B3GNT3: variants seen among roughly 807,000 people sequenced by gnomAD.
B3GNT3 encodes N-acetyllactosaminide beta-1,3-N-acetylglucosaminyltransferase 3.
Under a neutral mutation model 11.6 loss-of-function variants are expected in B3GNT3, and 7 were observed. That is an observed-to-expected ratio of 0.60 (90% CI 0.34 to 1.13). B3GNT3 has a LOEUF of 1.13. Among genes scored for constraint, B3GNT3 ranks in the 50% most tolerant of loss-of-function variants. B3GNT3 has a pLI of 0.03. For missense variants in B3GNT3, 400 were observed against 507.4 expected, an observed-to-expected ratio of 0.79 and a Z score of 2.03; for synonymous variants, 201 against 222.1, an observed-to-expected ratio of 0.90 and a Z score of 0.85.
At chr19:17,798,037 C>A (rs2094161459) in intron 1 of B3GNT3, among the ~76,000 whole-genome samples, 1 of 152,134 alleles carries the variant, frequency 6.6e-6, no homozygotes, top group East Asian at 1.9e-4. Context: ...CTGCACAGAT[C>A]GTCCACCTGG....
In B3GNT3 at chr19:17,807,802, G is replaced by T; in HGVS notation, c.-6G>T. On this transcript the variant is annotated 5_prime_UTR_variant, in exon 2 of 3. Transcript: ENST00000318683. ...TCAGGCCGACCCCAGACCCTGGCTGGCCAGGATGAAGTATCTCCGGCACCG... is the reference window on the plus strand; with the variant it reads ...TCAGGCCGACCCCAGACCCTGGCTGTCCAGGATGAAGTATCTCCGGCACCG... 1.9e-6 allele frequency: 3 copies of T among 1,601,794 alleles called. No individual in the cohort carries two copies. The highest frequency in any genetic ancestry group is 2.6e-6 in the Non-Finnish European group (3 of 1,171,242).
rs1299271015 is a variant in B3GNT3, at chr19:17,812,426, T to TG, written c.*305dup. The TG allele has an allele frequency of 1.7e-5, 6 of 345,364 alleles. No homozygotes were observed. The highest frequency in any genetic ancestry group is 3.2e-5 in the Non-Finnish European group (6 of 187,500). The allele number at this position is 345,364 out of a possible 1,614,324, so 21.4% of individuals were successfully genotyped here. A position where few individuals can be genotyped will look rare whatever the true frequency, so the allele number is the denominator to read the frequency against. Reference sequence around the variant, plus strand: ...CAACTGTGGATGCATCCGTCCCGTTTGAGTCAAAGTCTTACTTCCCTGCTC... The same window carrying TG: ...CAACTGTGGATGCATCCGTCCCGTTTGGAGTCAAAGTCTTACTTCCCTGCTC... On this transcript the variant is annotated 3_prime_UTR_variant, in exon 3 of 3. Transcript: ENST00000318683.
Position 17,808,119 on chromosome 19 carries a change from G to T in B3GNT3, c.312G>T (p.Ala104=), listed in dbSNP as rs144986276. The T allele has an allele frequency of 1.9e-6, 3 of 1,613,650 alleles. No individual in the cohort carries two copies. The highest frequency in any genetic ancestry group is 2.5e-6 in the Non-Finnish European group (3 of 1,179,888). ...AGGACGTGCCCCCCTCTAAGTGCGC[G>T]CAGCCGGTCTTCCTGCTGCTGGTGA... ...LLQDVPPSKC[A]QPVFLLLVIK... The change falls in exon 2 of 3, where the codon GCG becomes GCT. Residue 104 remains alanine (A), a synonymous_variant. Coordinates refer to ENST00000318683, the MANE Select transcript of B3GNT3 (RefSeq NM_014256.4).
intron 1 of B3GNT3, among the ~76,000 whole-genome samples, chr19:17,798,405 T>A (rs1310923351): frequency 1.3e-5 from 2 of 152,116 alleles, no homozygotes; most frequent in African/African-American, 4.8e-5. Context: ...GCGTGGTGGC[T>A]AACACCTGTA....
At chr19:17,798,246 C>T (rs199847615) in intron 1 of B3GNT3, among the ~76,000 whole-genome samples, 3 of 152,178 alleles carry the variant, frequency 2.0e-5, no homozygotes, top group African/African-American at 4.8e-5. Flanking sequence ...CCTGGGCACA[C>T]GAGTGTTTCT....
intron 1 of B3GNT3, among the ~76,000 whole-genome samples, chr19:17,799,273 T>A (rs948245718): frequency 4.0e-5 from 6 of 148,246 alleles, no homozygotes; most frequent in African/African-American, 1.5e-4. Context: ...TTCCAGCTTT[T>A]TTTTTTTTTT....
chr19:17,799,558 G>A (rs892494236), intron 1 of B3GNT3, among the ~76,000 whole-genome samples: 6 of 151,984 alleles, frequency 3.9e-5, no homozygotes, highest in Admixed American at 6.6e-5. Flanking sequence ...GTGAGCCACC[G>A]AGCCCGGCTG....
chr19:17,799,388 G>C (rs1371312115), intron 1 of B3GNT3, among the ~76,000 whole-genome samples: 1 of 151,344 alleles, frequency 6.6e-6, no homozygotes, highest in Admixed American at 6.6e-5. Flanking sequence ...CCTGCCTCAG[G>C]CTCCTGAGTA....
chr19:17,811,622 C>T lies in B3GNT3; in HGVS notation c.619C>T (p.Leu207Phe). 1 of 1,614,072 alleles carries T rather than the reference C, an allele frequency of 6.2e-7. No homozygotes were observed. Among genetic ancestry groups the T allele is most frequent in the South Asian group, 1.1e-5 (1 of 91,080 alleles). Residue 207 changes from leucine to phenylalanine, a missense_variant, in exon 3 of 3, where the codon CTC (leucine) becomes TTC (phenylalanine). Leu to Phe is a conservative substitution (Grantham distance 22, BLOSUM62 0). Transcript: ENST00000318683. The surrounding 1 kb of genome is among the most constrained non-coding windows in gnomAD (Gnocchi z 4.1). ...AAGGTGCGCCAACGCCAGCTTCGTG[C>T]TCAACGGGGATGATGACGTCTTTGC... ...ETRCANASFV[L>F]NGDDDVFAHT...
chr19:17,804,248 T>C (rs2094170009), intron 1 of B3GNT3, among the ~76,000 whole-genome samples: 2 of 147,926 alleles, frequency 1.4e-5, no homozygotes, highest in African/African-American at 4.9e-5. Flanking sequence ...TTCTTTTTTT[T>C]TTTTTTTTTG....
chr19:17,798,042 A>G (rs2147644734), intron 1 of B3GNT3, among the ~76,000 whole-genome samples: 1 of 152,116 alleles, frequency 6.6e-6, no homozygotes, highest in South Asian at 2.1e-4. Flanking sequence ...CAGATCGTCC[A>G]CCTGGACCCT....
chr19:17,804,982 G>T (rs2094171368), intron 1 of B3GNT3, among the ~76,000 whole-genome samples: 1 of 151,990 alleles, frequency 6.6e-6, no homozygotes, highest in African/African-American at 2.4e-5. Flanking sequence ...GAGTAGCTGG[G>T]ACTACAGGTG....
chr19:17,796,436 G>A (rs958655451), intron 1 of B3GNT3, among the ~76,000 whole-genome samples: 8 of 152,142 alleles, frequency 5.3e-5, no homozygotes, highest in African/African-American at 7.2e-5. Context: ...AACTGAGGTC[G>A]CCCCTCAACT....
intron 1 of B3GNT3, among the ~76,000 whole-genome samples, chr19:17,800,193 G>T (rs10417273): frequency 6.6e-6 from 1 of 152,166 alleles, no homozygotes; most frequent in South Asian, 2.1e-4. Context: ...TGGCCAACGC[G>T]CTGAAACCCC....
chr19:17,804,326 G>A (rs1280985054), intron 1 of B3GNT3, among the ~76,000 whole-genome samples: 1 of 129,624 alleles, frequency 7.7e-6, no homozygotes, highest in Non-Finnish European at 1.6e-5. Context: ...TGCCACCTCC[G>A]CCTCCCAGAT....
Position 17,807,963 on chromosome 19 carries a change from A to AACCCCCCCC in B3GNT3, c.156_157insACCCCCCCC (p.Pro52_Pro53insThrProPro). Reference sequence around the variant, plus strand: ...CCGAGGCCCTGGCCTGGCCCACTCCACCCACCCGCCCAGCCCCGGCCCCGT... The same window carrying AACCCCCCCC: ...CCGAGGCCCTGGCCTGGCCCACTCCAACCCCCCCCCCCACCCGCCCAGCCCCGGCCCCGT... On this transcript the variant is annotated inframe_insertion, in exon 2 of 3. Transcript: ENST00000318683. The AACCCCCCCC allele has an allele frequency of 4.1e-6, 5 of 1,223,216 alleles. No individual in the cohort carries two copies. The highest frequency in any genetic ancestry group is 5.8e-6 in the Non-Finnish European group (5 of 866,398). The allele number at this position is 1,223,216 out of a possible 1,614,324, so 75.8% of individuals were successfully genotyped here. A position where few individuals can be genotyped will look rare whatever the true frequency, so the allele number is the denominator to read the frequency against.
At chr19:17,804,263 A>T in intron 1 of B3GNT3, among the ~76,000 whole-genome samples, 1 of 104,496 alleles carries the variant, frequency 9.6e-6, no homozygotes, top group Non-Finnish European at 1.9e-5. Context: ...TTTTTGAGAC[A>T]GAGTCTTGTT....
chr19:17,813,180 A>G lies in B3GNT3; in HGVS notation c.*1058A>G, dbSNP rs1832540398. The G allele has an allele frequency of 1.3e-5, 2 of 152,132 alleles. No homozygotes were observed. The highest frequency in any genetic ancestry group is 2.4e-5 in the African/African-American group (1 of 41,422). 9.4% of individuals were successfully genotyped at this position (152,132 alleles called of 1,614,324 possible). On this transcript the variant is annotated 3_prime_UTR_variant, in exon 3 of 3. Coordinates refer to ENST00000318683, the MANE Select transcript of B3GNT3 (RefSeq NM_014256.4). ...TTTCCAGTAGAAAATATACACTGGT[A>G]AAAACGGGGCATGGGGCCGTGGCTC...
rs192125587 is a variant in B3GNT3 at position 17,813,128 on chromosome 19, G to C, written c.*1006G>C. On this transcript the variant is annotated 3_prime_UTR_variant, in exon 3 of 3. Transcript: ENST00000318683. ...CAAATTTACAAGTTTCAACAGACAA[G>C]TCCACATTCATCCCTAAAAGTCTCA... The C allele has an allele frequency of 2.6e-5, 4 of 151,396 alleles. No individual in the cohort carries two copies. The East Asian group carries it at 7.8e-4, about 29-fold the overall frequency. The allele number at this position is 151,396 out of a possible 1,614,324, so 9.4% of individuals were successfully genotyped here. A position where few individuals can be genotyped will look rare whatever the true frequency, so the allele number is the denominator to read the frequency against.
Sources: allele counts gnomAD v4.1 joint callset (sites outside exome capture counted in the v4.1 genomes callset), GRCh38; gene constraint gnomAD v4.1.1; non-coding constraint Gnocchi (gnomAD v3.1); transcripts MANE v1.5; gene names NCBI Gene and HGNC (gene_info 2026-07-23, HGNC 2026-07-21).